Variants in TTBK1 observed in about 807,000 individuals in gnomAD.
TTBK1 encodes tau tubulin kinase 1, also known as tau-tubulin kinase 1.
TTBK1 carries 34 observed loss-of-function variants against 108.5 expected under a neutral mutation model. That is an observed-to-expected ratio of 0.31 (90% CI 0.24 to 0.42). The LOEUF (loss-of-function observed/expected upper bound fraction) is 0.42. TTBK1 is among the 10% of genes least tolerant of loss of function. The pLI is 1.00. For synonymous variants in TTBK1, 809 were observed against 795.1 expected (o/e 1.02, Z -0.29); for missense variants, 1,539 against 1,826.0 (o/e 0.84, Z 2.86).
chr6:43,285,005 G>C lies in TTBK1; in HGVS notation c.3595G>C (p.Gly1199Arg), dbSNP rs1234559918. The C allele has an allele frequency of 1.3e-5, 19 of 1,517,470 alleles. No individual in the cohort carries two copies. The highest frequency in any genetic ancestry group is 2.0e-5 in the Admixed American group (1 of 49,440). The allele number at this position is 1,517,470 out of a possible 1,614,324, so 94.0% of individuals were successfully genotyped here. The change falls in exon 15 of 15, where the codon GGG becomes CGG. Residue 1199 changes from glycine (G) to arginine (R), a missense_variant. By Grantham distance (125) the Gly-to-Arg change is moderately radical. Around this residue, in one of 5 missense-constraint regions of TTBK1, gnomAD observed 1,055 missense variants for 1,086.5 expected, o/e 0.97. Coordinates refer to ENST00000259750, the MANE Select transcript of TTBK1 (RefSeq NM_032538.3). The surrounding 1 kb of genome is among the most constrained non-coding windows in gnomAD (Gnocchi z 4.7). ...TSRLQLQTPP[G>R]SATAADLRPK... The stretch of plus-strand genomic sequence containing the variant: ...CAGGCTCCAGCTGCAGACGCCCCCA[G>C]GGTCGGCCACTGCTGCTGACCTCCG...
chr6:43,267,356 A>G (rs1477955841), intron 13 of TTBK1, among the ~76,000 whole-genome samples: 2 of 151,714 alleles, frequency 1.3e-5, no homozygotes, highest in Non-Finnish European at 2.9e-5. Flanking sequence ...AGTTTTTGGG[A>G]CTCTCCACCC....
chr6:43,262,558 TTGAATGAATGAA>T lies in TTBK1; in HGVS notation c.1425-218_1425-207del, dbSNP rs540275486. Among the ~76,000 whole-genome samples, 14 of 152,274 alleles carry T rather than the reference TTGAATGAATGAA, an allele frequency of 9.2e-5. No individual in the cohort carries two copies. The East Asian group carries it at 1.2e-3, about 13-fold the overall frequency. On this transcript the variant is annotated intron_variant, in intron 12 of 14. Coordinates refer to ENST00000259750, the MANE Select transcript of TTBK1 (RefSeq NM_032538.3). Reference sequence around the variant, plus strand: ...CACGGTAAGCATTCAAAAACATTTGTTGAATGAATGAATGAATGAATGAACGAACGAACTAAC... The same window carrying T: ...CACGGTAAGCATTCAAAAACATTTGTTGAATGAATGAACGAACGAACTAAC...
At position 43,282,702 on chromosome 6, in the gene TTBK1, G is replaced by A. The variant is rs780595040; in HGVS notation, c.1987-25G>A. On this transcript the variant is annotated intron_variant, in intron 13 of 14. Transcript: ENST00000259750. This position sits in a 1 kb window ranked among gnomAD's most constrained non-coding sequence, Gnocchi z 5.4. ...GCCCAGGAGGGTGGGTGACCTCAGA[G>A]GGTCCCTGTGTATGCCCCTTGCAGG... is the stretch of plus-strand genomic sequence containing the variant. 7.7e-6 allele frequency: 12 copies of A among 1,565,448 alleles called. No homozygotes were observed. The highest frequency in any genetic ancestry group is 1.0e-5 in the Non-Finnish European group (12 of 1,155,078).
intron 9 of TTBK1, 37 bp downstream of exon 9, chr6:43,255,893 C>T: frequency 1.2e-6 from 2 of 1,613,086 alleles, no homozygotes; most frequent in South Asian, 1.1e-5. Context: ...TCCCTCGACA[C>T]CACTCTGTGA....
At chr6:43,277,673 C>T (rs143803687) in intron 13 of TTBK1, among the ~76,000 whole-genome samples, 19 of 152,332 alleles carry the variant, frequency 1.2e-4, no homozygotes, top group South Asian at 4.1e-4. Flanking sequence ...TCCCCTTCCC[C>T]GGCATTCCTG....
intron 9 of TTBK1, among the ~76,000 whole-genome samples, chr6:43,256,778 G>A (rs1777393262): frequency 6.6e-6 from 1 of 152,104 alleles, no homozygotes; most frequent in Admixed American, 6.5e-5. Flanking sequence ...GAAGCCAAAT[G>A]CTTTTAAGTA....
In TTBK1 at chr6:43,283,853, C is replaced by T; in HGVS notation, c.3113C>T (p.Ala1038Val). 2 of 1,609,620 alleles carry T rather than the reference C, an allele frequency of 1.2e-6. No individual in the cohort carries two copies. Among genetic ancestry groups the T allele is most frequent in the Non-Finnish European group, 1.7e-6 (2 of 1,177,358 alleles). The change falls in exon 14 of 15, where the codon GCC becomes GTC. Residue 1038 changes from alanine (A) to valine (V), a missense_variant. By Grantham distance (64) the Ala-to-Val change is moderately conservative. Around this residue, in one of 5 missense-constraint regions of TTBK1, gnomAD observed 1,055 missense variants for 1,086.5 expected, o/e 0.97. Coordinates refer to ENST00000259750, the MANE Select transcript of TTBK1 (RefSeq NM_032538.3). The surrounding 1 kb of genome is among the most constrained non-coding windows in gnomAD (Gnocchi z 8.1). ...SPLEPSPEKV[A>V]TISPRRHAMP... is the part of the protein sequence containing the mutation. Reference sequence around the variant, plus strand: ...CTGGAGCCAAGCCCTGAGAAAGTGGCCACCATCTCCCCCAGACGCCATGCT... The same window carrying T: ...CTGGAGCCAAGCCCTGAGAAAGTGGTCACCATCTCCCCCAGACGCCATGCT...
Position 43,284,163 on chromosome 6 carries a change from C to G in TTBK1, c.3423C>G (p.Ala1141=), listed in dbSNP as rs1264474919. Residue 1141 remains alanine, a synonymous_variant, in exon 14 of 15, where the codon GCC becomes GCG. Coordinates refer to ENST00000259750, the MANE Select transcript of TTBK1 (RefSeq NM_032538.3). ...CGCCCGCCTCTGAGCCGGCAGCGGC[C>G]TTGCCCAGGAAGAGCGGGAGGGCAG... is the stretch of plus-strand genomic sequence containing the variant. ...EDTPASEPAA[A]LPRKSGRAAA... The G allele has an allele frequency of 6.4e-7, 1 of 1,556,010 alleles. No individual in the cohort carries two copies. The highest frequency in any genetic ancestry group is 8.6e-7 in the Non-Finnish European group (1 of 1,158,022).
rs1410980639 is a variant in TTBK1 at position 43,283,426 on chromosome 6, A to C, written c.2686A>C (p.Lys896Gln). 2 of 1,613,268 alleles carry C rather than the reference A, an allele frequency of 1.2e-6. No homozygotes were observed. The highest frequency in any genetic ancestry group is 2.2e-5 in the South Asian group (2 of 90,986). ...GTCCTCTGTCCTCAAGTCTGAGCCCAAGCCCCCGGGGCCTGGGGCAGGGCT... is the reference window on the plus strand; with the variant it reads ...GTCCTCTGTCCTCAAGTCTGAGCCCCAGCCCCCGGGGCCTGGGGCAGGGCT... ...TLSSVLKSEP[K>Q]PPGPGAGLGA... The change falls in exon 14 of 15, where the codon AAG becomes CAG. Residue 896 changes from lysine to glutamine, a missense_variant. Lys to Gln is a moderately conservative substitution (Grantham distance 53). This residue lies in a region of TTBK1 where 1,055 missense variants were observed against 1,086.5 expected (regional missense o/e 0.97). Coordinates refer to ENST00000259750, the MANE Select transcript of TTBK1 (RefSeq NM_032538.3). This position sits in a 1 kb window ranked among gnomAD's most constrained non-coding sequence, Gnocchi z 8.1.
rs943989199 is a variant in TTBK1, at chr6:43,282,607, G to A, written c.1987-120G>A. The A allele has an allele frequency of 1.5e-5, 12 of 798,910 alleles. No homozygotes were observed. The highest frequency in any genetic ancestry group is 2.4e-5 in the Admixed American group (1 of 41,418). 49.5% of individuals were successfully genotyped at this position (798,910 alleles called of 1,614,324 possible). A position where few individuals can be genotyped will look rare whatever the true frequency, so the allele number is the denominator to read the frequency against. On this transcript the variant is annotated intron_variant, in intron 13 of 14. Coordinates refer to ENST00000259750, the MANE Select transcript of TTBK1 (RefSeq NM_032538.3). The surrounding 1 kb of genome is among the most constrained non-coding windows in gnomAD (Gnocchi z 5.4). ...CAGTGCCTGTGCTTAACTTTATGGA[G>A]CTCACACTCTGGTAGACGACCTGGG...
In TTBK1 at chr6:43,274,872, A is replaced by T. The variant is rs143577075; in HGVS notation, c.1987-7855A>T. On this transcript the variant is annotated intron_variant, in intron 13 of 14. Coordinates refer to ENST00000259750, the MANE Select transcript of TTBK1 (RefSeq NM_032538.3). The stretch of plus-strand genomic sequence containing the variant: ...AAGCCTGAGTGCCCGCTTCCTCCAA[A>T]TGAGGGGTGGGGAAGGGGTGGAGAG... Among the ~76,000 whole-genome samples, 471 of 152,000 alleles carry T rather than the reference A, an allele frequency of 3.1e-3. 2 individuals are homozygous for T. The highest frequency in any genetic ancestry group is 5.6e-3 in the Admixed American group (85 of 15,288).
chr6:43,262,533 C>T lies in TTBK1; in HGVS notation c.1425-256C>T, dbSNP rs148760709. Among the ~76,000 whole-genome samples the T allele has an allele frequency of 2.7e-3, 416 of 152,276 alleles. 2 individuals are homozygous for T. Among genetic ancestry groups the T allele is most frequent in the Non-Finnish European group, 3.7e-3 (255 of 68,026 alleles). On this transcript the variant is annotated intron_variant, in intron 12 of 14. Coordinates refer to ENST00000259750, the MANE Select transcript of TTBK1 (RefSeq NM_032538.3). ...TTTCTGCTTGTTTGTATTCCTGGAG[C>T]ACGGTAAGCATTCAAAAACATTTGT...
Position 43,263,561 on chromosome 6 carries a change from G to A in TTBK1, c.1986+211G>A, listed in dbSNP as rs139329308. ...AAGTGCCCTCTCAGTTCTGAGTTGA[G>A]TCTGGCACTATGAGCAGTGAAGCCA... is the stretch of plus-strand genomic sequence containing the variant. On this transcript the variant is annotated intron_variant, in intron 13 of 14. Transcript: ENST00000259750. The surrounding 1 kb of genome is among the most constrained non-coding windows in gnomAD (Gnocchi z 4.7). 1.1e-3 allele frequency among the ~76,000 whole-genome samples: 167 copies of A among 152,358 alleles called. 3 individuals are homozygous for A. The highest frequency in any genetic ancestry group is 0.01 in the Admixed American group (155 of 15,312).
chr6:43,253,562 A>T lies in TTBK1; in HGVS notation c.331-6A>T. 6.2e-7 allele frequency: 1 copy of T among 1,604,206 alleles called. No homozygotes were observed. Among genetic ancestry groups the T allele is most frequent in the Non-Finnish European group, 8.5e-7 (1 of 1,175,248 alleles). ...GAGTCTACCCCCCACCTCCACCCCC[A>T]TGCAGGGCCGGAACCTGGCCGACCT... is the stretch of plus-strand genomic sequence containing the variant. On this transcript the variant is annotated splice_polypyrimidine_tract_variant and splice_region_variant and intron_variant, in intron 4 of 14. Transcript: ENST00000259750. The surrounding 1 kb of genome is among the most constrained non-coding windows in gnomAD (Gnocchi z 5.8).
At position 43,255,873 on chromosome 6, in the gene TTBK1, C is replaced by G; in HGVS notation, c.861+17C>G. The G allele has an allele frequency of 6.2e-7, 1 of 1,613,998 alleles. No individual in the cohort carries two copies. Among genetic ancestry groups the G allele is most frequent in the Non-Finnish European group, 8.5e-7 (1 of 1,179,924 alleles). ...GACTACCAGGTGGGAGCCTGCTACC[C>G]TGCCCCCGCTCCCTCGACACCACTC... is the stretch of plus-strand genomic sequence containing the variant. On this transcript the variant is annotated intron_variant, in intron 9 of 14. Transcript: ENST00000259750.
At chr6:43,281,502 T>G (rs1190724790) in intron 13 of TTBK1, among the ~76,000 whole-genome samples, 1 of 151,826 alleles carries the variant, frequency 6.6e-6, no homozygotes, top group Non-Finnish European at 1.5e-5. Context: ...GTAAAAAGGA[T>G]GGACGGCAGT....
rs374064146 is a variant in TTBK1, at chr6:43,263,156, C to T, written c.1792C>T (p.Arg598Cys). Residue 598 changes from arginine to cysteine, a missense_variant, in exon 13 of 15, where the codon CGC (arginine) becomes TGC (cysteine). Transcript: ENST00000259750. The surrounding 1 kb of genome is among the most constrained non-coding windows in gnomAD (Gnocchi z 4.7). Reference sequence around the variant, plus strand: ...AGAGCCCACCGTCCGGCCCCGGGGACGCAGCATGCAGGCGCTGGCGGAGGA... The same window carrying T: ...AGAGCCCACCGTCCGGCCCCGGGGATGCAGCATGCAGGCGCTGGCGGAGGA... ...GAEPTVRPRGRSMQALAEEDL... is the reference protein window; with the variant it reads ...GAEPTVRPRGCSMQALAEEDL... 2.2e-5 allele frequency: 35 copies of T among 1,570,270 alleles called. No homozygotes were observed. The highest frequency in any genetic ancestry group is 4.6e-5 in the East Asian group (2 of 43,200).
intron 13 of TTBK1, among the ~76,000 whole-genome samples, chr6:43,278,231 G>A (rs541107821): frequency 2.0e-4 from 31 of 152,308 alleles, no homozygotes; most frequent in African/African-American, 6.3e-4. Context: ...ATCAGAGTCT[G>A]GTCCATCCTC....
At chr6:43,245,374 T>G (rs911343966) in intron 1 of TTBK1, among the ~76,000 whole-genome samples, 1 of 151,744 alleles carries the variant, frequency 6.6e-6, no homozygotes, top group African/African-American at 2.4e-5. Context: ...AAGAGGAAAA[T>G]ATCCTGGTTC....
Sources: gnomAD v4.1 joint callset for allele counts (sites outside exome capture counted in the v4.1 genomes callset) on GRCh38, gnomAD v4.1.1 for gene constraint, gnomAD v4.1.1 regional missense constraint, Gnocchi (gnomAD v3.1) non-coding constraint, MANE v1.5 for transcripts, NCBI Gene and HGNC (gene_info 2026-07-23, HGNC 2026-07-21) for gene names.